SLC38A3: variants seen among roughly 807,000 people sequenced by gnomAD.
SLC38A3 encodes the protein sodium-coupled neutral amino acid transporter 3.
Under a neutral mutation model 59.5 loss-of-function variants are expected in SLC38A3, and 17 were observed. The observed-to-expected ratio is 0.29, with a 90% CI of 0.20 to 0.43. The LOEUF is 0.43. SLC38A3 is among the 20% of genes least tolerant of loss of function. The pLI is 1.00. For missense variants in SLC38A3, 454 were observed against 653.9 expected, an observed-to-expected ratio of 0.69 and a Z score of 3.33; for synonymous variants, 238 against 260.3, an observed-to-expected ratio of 0.91 and a Z score of 0.82.
At position 50,221,486 on chromosome 3, in the gene SLC38A3, A is replaced by G. The variant is rs1699895224; in HGVS notation, c.*1309A>G. ...CAACAGTAAAATCCACTACGAATAA[A>G]GTGGGTTAGTAGTCCCTGTGTGTGG... On this transcript the variant is annotated 3_prime_UTR_variant, in exon 16 of 16. Coordinates refer to ENST00000614032, the MANE Select transcript of SLC38A3 (RefSeq NM_006841.6). 1 of 152,256 alleles carries G rather than the reference A, an allele frequency of 6.6e-6. No homozygotes were observed. Among genetic ancestry groups the G allele is most frequent in the African/African-American group, 2.4e-5 (1 of 41,462 alleles). 9.4% of individuals were successfully genotyped at this position (152,256 alleles called of 1,614,324 possible).
At position 50,214,065 on chromosome 3, in the gene SLC38A3, G is replaced by A; in HGVS notation, c.-51-84G>A. ...TGCCCCGAGTGACCATCTGGGAGGT[G>A]TGCTATGGCTGCAGGCCTCAGGTAG... On this transcript the variant is annotated intron_variant, in intron 1 of 15. Coordinates refer to ENST00000614032, the MANE Select transcript of SLC38A3 (RefSeq NM_006841.6). This position sits in a 1 kb window ranked among gnomAD's most constrained non-coding sequence, Gnocchi z 6.0. 2.7e-6 allele frequency: 2 copies of A among 728,818 alleles called. No homozygotes were observed. The highest frequency in any genetic ancestry group is 2.3e-5 in the Admixed American group (1 of 42,674). 45.1% of individuals were successfully genotyped at this position (728,818 alleles called of 1,614,324 possible).
intron 1 of SLC38A3, among the ~76,000 whole-genome samples, chr3:50,208,304 C>A (rs1429707779): frequency 2.0e-5 from 3 of 151,062 alleles, no homozygotes; most frequent in Non-Finnish European, 4.4e-5. Context: ...GCTGTGTTAC[C>A]CAGGCTGGAG....
Position 50,217,324 on chromosome 3 carries a change from A to T in SLC38A3, c.631+4A>T. 6.2e-7 allele frequency: 1 copy of T among 1,613,224 alleles called. No homozygotes were observed. The highest frequency in any genetic ancestry group is 8.5e-7 in the Non-Finnish European group (1 of 1,179,546). On this transcript the variant is annotated splice_donor_region_variant and intron_variant, in intron 8 of 15. Coordinates refer to ENST00000614032, the MANE Select transcript of SLC38A3 (RefSeq NM_006841.6). The surrounding 1 kb of genome is among the most constrained non-coding windows in gnomAD (Gnocchi z 4.9). ...CTGGCACTGATGCGGCAGCTTGGTGAGTGTGGAAGGGTCAGAGCCTTGGAG... is the reference window on the plus strand; with the variant it reads ...CTGGCACTGATGCGGCAGCTTGGTGTGTGTGGAAGGGTCAGAGCCTTGGAG...
In SLC38A3 at chr3:50,215,371, C is replaced by A; in HGVS notation, c.300-15C>A. On this transcript the variant is annotated splice_polypyrimidine_tract_variant and intron_variant, in intron 4 of 15. Transcript: ENST00000614032. The surrounding 1 kb of genome is among the most constrained non-coding windows in gnomAD (Gnocchi z 7.1). ...CAGTGGCCTCTTTTTCTTCCATCTT[C>A]CCATGTGTCCCCAGGTTCCTGTTGA... The A allele has an allele frequency of 6.2e-7, 1 of 1,613,406 alleles. No homozygotes were observed. Among genetic ancestry groups the A allele is most frequent in the South Asian group, 1.1e-5 (1 of 91,060 alleles).
chr3:50,206,059 C>G (rs1195172418), intron 1 of SLC38A3, among the ~76,000 whole-genome samples: 1 of 152,246 alleles, frequency 6.6e-6, no homozygotes, highest in African/African-American at 2.4e-5. Flanking sequence ...AGTTAGAGCC[C>G]GCGCAGCGCA....
chr3:50,210,405 A>G (rs905758284), intron 1 of SLC38A3, among the ~76,000 whole-genome samples: 1 of 152,210 alleles, frequency 6.6e-6, no homozygotes, highest in African/African-American at 2.4e-5. Flanking sequence ...AATAAGCTCC[A>G]GAGGGTCTGT....
intron 1 of SLC38A3, among the ~76,000 whole-genome samples, chr3:50,211,607 A>C (rs1357568787): frequency 1.7e-5 from 1 of 57,782 alleles, no homozygotes. Context: ...TTTTTTTTTG[A>C]GATGGAGTTT....
At position 50,217,358 on chromosome 3, in the gene SLC38A3, G is replaced by A; in HGVS notation, c.631+38G>A. 3 of 1,610,966 alleles carry A rather than the reference G, an allele frequency of 1.9e-6. No homozygotes were observed. The highest frequency in any genetic ancestry group is 2.2e-5 in the South Asian group (2 of 90,578). On this transcript the variant is annotated intron_variant, in intron 8 of 15. Transcript: ENST00000614032. This position sits in a 1 kb window ranked among gnomAD's most constrained non-coding sequence, Gnocchi z 4.9. ...GGGTCAGAGCCTTGGAGGGGATGTTGGAGGCATACACCATGGGAGGGGCCC... is the reference window on the plus strand; with the variant it reads ...GGGTCAGAGCCTTGGAGGGGATGTTAGAGGCATACACCATGGGAGGGGCCC...
intron 1 of SLC38A3, chr3:50,207,248 G>A (rs1303855841): frequency 6.6e-6 from 1 of 152,298 alleles, no homozygotes; most frequent in Non-Finnish European, 1.5e-5. Context: ...CCAGGGGCCA[G>A]GCCTCACTTG....
Position 50,214,982 on chromosome 3 carries a change from C to G in SLC38A3, c.299+214C>G. ...GACTGAGGTCACAACACAGGCCGGTCTTACAGGCCAGAGACTGTCCTTTTG... is the reference window on the plus strand; with the variant it reads ...GACTGAGGTCACAACACAGGCCGGTGTTACAGGCCAGAGACTGTCCTTTTG... On this transcript the variant is annotated intron_variant, in intron 4 of 15. Coordinates refer to ENST00000614032, the MANE Select transcript of SLC38A3 (RefSeq NM_006841.6). The surrounding 1 kb of genome is among the most constrained non-coding windows in gnomAD (Gnocchi z 6.0). 1.7e-6 allele frequency: 1 copy of G among 599,568 alleles called. No homozygotes were observed. The highest frequency in any genetic ancestry group is 3.0e-5 in the Admixed American group (1 of 33,190). The allele number at this position is 599,568 out of a possible 1,614,324, so 37.1% of individuals were successfully genotyped here.
chr3:50,220,252 T>A lies in SLC38A3; in HGVS notation c.*75T>A. 7.8e-6 allele frequency: 9 copies of A among 1,146,620 alleles called. No individual in the cohort carries two copies. Among genetic ancestry groups the A allele is most frequent in the Non-Finnish European group, 1.1e-5 (9 of 786,144 alleles). 71.0% of individuals were successfully genotyped at this position (1,146,620 alleles called of 1,614,324 possible). A position where few individuals can be genotyped will look rare whatever the true frequency, so the allele number is the denominator to read the frequency against. ...CTCTTCAGCCCCTGCTCCCATCCAG[T>A]GGCCAGTCGGGGGAGGAGAAAGACG... is the stretch of plus-strand genomic sequence containing the variant. On this transcript the variant is annotated 3_prime_UTR_variant, in exon 16 of 16. Coordinates refer to ENST00000614032, the MANE Select transcript of SLC38A3 (RefSeq NM_006841.6).
At chr3:50,213,875 A>G (rs1193018076) in intron 1 of SLC38A3, among the ~76,000 whole-genome samples, 1 of 152,186 alleles carries the variant, frequency 6.6e-6, no homozygotes, top group Admixed American at 6.5e-5. Context: ...ACAGATGGTG[A>G]AACCGAGACC....
chr3:50,207,494 T>C (rs1181795038), intron 1 of SLC38A3: 3 of 152,084 alleles, frequency 2.0e-5, no homozygotes, highest in African/African-American at 7.2e-5. Context: ...TTTTTTGTAT[T>C]TTTGGTAGAG....
chr3:50,215,847 G>T lies in SLC38A3; in HGVS notation c.548+26G>T. 7.3e-7 allele frequency: 1 copy of T among 1,365,480 alleles called. No homozygotes were observed. The highest frequency in any genetic ancestry group is 1.0e-6 in the Non-Finnish European group (1 of 980,138). The allele number at this position is 1,365,480 out of a possible 1,614,324, so 84.6% of individuals were successfully genotyped here. A position where few individuals can be genotyped will look rare whatever the true frequency, so the allele number is the denominator to read the frequency against. ...GTGAGCCCTGGCGTGGGGAGGGGAG[G>T]GGAGGGGTGCGGTGCAGTGAGGAGG... On this transcript the variant is annotated intron_variant, in intron 7 of 15. Coordinates refer to ENST00000614032, the MANE Select transcript of SLC38A3 (RefSeq NM_006841.6). The surrounding 1 kb of genome is among the most constrained non-coding windows in gnomAD (Gnocchi z 7.1).
At chr3:50,208,255 TTC>T (rs1241218899) in intron 1 of SLC38A3, among the ~76,000 whole-genome samples, 1 of 146,686 alleles carries the variant, frequency 6.8e-6, no homozygotes, top group Non-Finnish European at 1.5e-5. Context: ...TTCTTCAGCT[TTC>T]TCTCTTTTTT....
rs1699808136 is a variant in SLC38A3, at chr3:50,215,731, T to A, written c.467-9T>A. Reference sequence around the variant, plus strand: ...CTCAGCGCCTGCCTGCCCGCCCCTCTCCCCACAGCCATGTCCAGCTACCTG... The same window carrying A: ...CTCAGCGCCTGCCTGCCCGCCCCTCACCCCACAGCCATGTCCAGCTACCTG... On this transcript the variant is annotated splice_polypyrimidine_tract_variant and intron_variant, in intron 6 of 15. Coordinates refer to ENST00000614032, the MANE Select transcript of SLC38A3 (RefSeq NM_006841.6). The surrounding 1 kb of genome is among the most constrained non-coding windows in gnomAD (Gnocchi z 7.1). 1 of 1,604,672 alleles carries A rather than the reference T, an allele frequency of 6.2e-7. No homozygotes were observed. Among genetic ancestry groups the A allele is most frequent in the East Asian group, 2.2e-5 (1 of 44,446 alleles).
At chr3:50,210,672 C>A (rs1376206935) in intron 1 of SLC38A3, among the ~76,000 whole-genome samples, 3 of 152,194 alleles carry the variant, frequency 2.0e-5, no homozygotes, top group East Asian at 3.8e-4. Context: ...TCAACACCTG[C>A]CGAGGTGTGC....
rs1250298629 is a variant in SLC38A3, at chr3:50,214,465, G to A, written c.165G>A (p.Lys55=). The A allele has an allele frequency of 1.9e-6, 3 of 1,569,866 alleles. No homozygotes were observed. The highest frequency in any genetic ancestry group is 2.6e-6 in the Non-Finnish European group (3 of 1,157,634). The stretch of plus-strand genomic sequence containing the variant: ...GCTTCCTACAGAAAAGTCCCAGCAA[G>A]GAGCCACACTTCACTGACGTGAGCA... ...GKSFLQKSPS[K]EPHFTDFEGK... The change falls in exon 3 of 16, where the codon AAG becomes AAA. Residue 55 remains lysine, a synonymous_variant. Coordinates refer to ENST00000614032, the MANE Select transcript of SLC38A3 (RefSeq NM_006841.6). The surrounding 1 kb of genome is among the most constrained non-coding windows in gnomAD (Gnocchi z 6.0).
At chr3:50,212,239 G>A (rs762040658) in intron 1 of SLC38A3, among the ~76,000 whole-genome samples, 4 of 152,234 alleles carry the variant, frequency 2.6e-5, no homozygotes, top group Non-Finnish European at 5.9e-5. Context: ...TTAGGGCAGA[G>A]AAGGGTGTTT....
Sources: gnomAD v4.1 joint callset for allele counts (sites outside exome capture counted in the v4.1 genomes callset) on GRCh38, gnomAD v4.1.1 for gene constraint, Gnocchi (gnomAD v3.1) non-coding constraint, MANE v1.5 for transcripts, NCBI Gene and HGNC (gene_info 2026-07-23, HGNC 2026-07-21) for gene names.